Variants in PARP8 observed in about 807,000 individuals in gnomAD.
The protein encoded by PARP8 is protein mono-ADP-ribosyltransferase PARP8.
In PARP8, 51 loss-of-function variants were observed where a neutral mutation model predicts 124.1. That is an observed-to-expected ratio of 0.41 (90% CI 0.33 to 0.52). The LOEUF (loss-of-function observed/expected upper bound fraction) is 0.52. Ranked by LOEUF, PARP8 falls within the 20% of genes least tolerant of loss-of-function variation. PARP8 has a pLI of 0.21. For synonymous variants in PARP8, 391 were observed against 361.5 expected (o/e 1.08, Z -0.93); for missense variants, 860 against 1,018.9 (o/e 0.84, Z 2.12).
chr5:50,702,614 G>A lies in PARP8; in HGVS notation c.146+34489G>A, dbSNP rs1002150025. Among the ~76,000 whole-genome samples the A allele has an allele frequency of 1.1e-4, 16 of 150,682 alleles. 1 individual carries two copies. Among genetic ancestry groups the A allele is most frequent in the African/African-American group, 3.4e-4 (14 of 41,004 alleles). ...CTTAGTCTTAGCACTACTAGAAAAT[G>A]TATAAAATCTGTAATTCCATTGCTG... On this transcript the variant is annotated intron_variant, in intron 2 of 25. Coordinates refer to ENST00000281631, the MANE Select transcript of PARP8 (RefSeq NM_024615.4).
chr5:50,778,734 G>A (rs1484607704), intron 9 of PARP8, 84 bp downstream of exon 9: 3 of 798,252 alleles, frequency 3.8e-6, no homozygotes, highest in African/African-American at 3.6e-5. Flanking sequence ...TCATTTGTCA[G>A]TTCTGAGCAA....
At chr5:50,700,848 T>C (rs1277863440) in intron 2 of PARP8, among the ~76,000 whole-genome samples, 1 of 152,146 alleles carries the variant, frequency 6.6e-6, no homozygotes, top group Non-Finnish European at 1.5e-5. Flanking sequence ...GCAAAAGCCT[T>C]CTCTCAGGAT....
intron 14 of PARP8, among the ~76,000 whole-genome samples, chr5:50,802,858 A>G (rs1743388380): frequency 6.6e-6 from 1 of 152,190 alleles, no homozygotes; most frequent in Admixed American, 6.5e-5. Flanking sequence ...AAATATATAT[A>G]TTTGTGTGCA....
At chr5:50,744,226 ACT>A (rs1381301984) in intron 2 of PARP8, among the ~76,000 whole-genome samples, 2 of 151,872 alleles carry the variant, frequency 1.3e-5, no homozygotes, top group African/African-American at 4.8e-5. Flanking sequence ...CTTTTGAAAG[ACT>A]CTCCTTAGAT....
intron 2 of PARP8, among the ~76,000 whole-genome samples, chr5:50,733,366 A>G (rs1484751838): frequency 6.6e-6 from 1 of 152,156 alleles, no homozygotes. Flanking sequence ...CCTATTGGGC[A>G]GCTTGACTTT....
intron 2 of PARP8, among the ~76,000 whole-genome samples, chr5:50,699,446 T>G (rs528820826): frequency 5.9e-5 from 9 of 152,344 alleles, no homozygotes; most frequent in African/African-American, 1.9e-4. Context: ...TTTCATATGT[T>G]TTTGTTTCCT....
At chr5:50,780,905 G>T (rs73101093) in intron 9 of PARP8, among the ~76,000 whole-genome samples, 1 of 125,654 alleles carries the variant, frequency 8.0e-6, no homozygotes, top group African/African-American at 3.1e-5. Context: ...TGATTTGTTT[G>T]TGTTTTGTTG....
intron 7 of PARP8, among the ~76,000 whole-genome samples, chr5:50,765,134 G>A (rs1328579142): frequency 1.3e-5 from 2 of 151,830 alleles, no homozygotes; most frequent in African/African-American, 4.8e-5. Flanking sequence ...GGTGACAGGT[G>A]CCGGTAAACC....
intron 2 of PARP8, among the ~76,000 whole-genome samples, chr5:50,734,298 C>T (rs1412014239): frequency 2.0e-5 from 3 of 151,970 alleles, no homozygotes; most frequent in African/African-American, 7.3e-5. Context: ...TTATCTTTTC[C>T]TTCTCTTCAT....
At chr5:50,672,938 A>C (rs780097205) in intron 2 of PARP8, among the ~76,000 whole-genome samples, 2 of 152,146 alleles carry the variant, frequency 1.3e-5, no homozygotes, top group Non-Finnish European at 2.9e-5. Flanking sequence ...AGACGTGCCC[A>C]CTCCAGAAAT....
chr5:50,823,340 T>C (rs191437943), intron 17 of PARP8, among the ~76,000 whole-genome samples: 40 of 152,368 alleles, frequency 2.6e-4, no homozygotes, highest in Admixed American at 2.2e-3. Context: ...CTTGATTCTT[T>C]CGATCATCAT....
chr5:50,701,827 A>G (rs1367312517), intron 2 of PARP8, among the ~76,000 whole-genome samples: 1 of 152,154 alleles, frequency 6.6e-6, no homozygotes, highest in Non-Finnish European at 1.5e-5. Context: ...ATGGTTATAT[A>G]CAAGCATTTA....
chr5:50,833,922 CT>C, intron 23 of PARP8, 56 bp from the exon 24 acceptor site: 1 of 1,452,428 alleles, frequency 6.9e-7, no homozygotes, highest in Non-Finnish European at 9.6e-7. Flanking sequence ...TGATGAACAG[CT>C]TTTTTCACAA....
At chr5:50,769,390 GA>G (rs544458971) in intron 7 of PARP8, among the ~76,000 whole-genome samples, 1 of 151,282 alleles carries the variant, frequency 6.6e-6, no homozygotes, top group Non-Finnish European at 1.5e-5. Flanking sequence ...AAAGATGGGA[GA>G]AAAAAAATGT....
chr5:50,677,001 G>A (rs550886712), intron 2 of PARP8, among the ~76,000 whole-genome samples: 3 of 152,322 alleles, frequency 2.0e-5, no homozygotes, highest in South Asian at 4.1e-4. Flanking sequence ...CATGTTAAGA[G>A]TAGGTATATT....
At chr5:50,765,326 A>G (rs1289197168) in intron 7 of PARP8, among the ~76,000 whole-genome samples, 7 of 151,866 alleles carry the variant, frequency 4.6e-5, no homozygotes, top group Admixed American at 4.6e-4. Context: ...TATTTCTTTT[A>G]TAGTTAAATA....
At chr5:50,825,549 C>A (rs1286637867) in intron 18 of PARP8, among the ~76,000 whole-genome samples, 1 of 152,176 alleles carries the variant, frequency 6.6e-6, no homozygotes, top group Non-Finnish European at 1.5e-5. Context: ...GGAGAGAAGT[C>A]ACCTTGCTGT....
chr5:50,708,889 C>G (rs1173977747), intron 2 of PARP8, among the ~76,000 whole-genome samples: 1 of 151,936 alleles, frequency 6.6e-6, no homozygotes, highest in Non-Finnish European at 1.5e-5. Context: ...TCAAGCAATT[C>G]TCCTGCTTCA....
rs138579748 is a variant in PARP8 at position 50,823,645 on chromosome 5, A to T, written c.1860+1245A>T. ...ATATAAACATTTTTAGTCATGAAAA[A>T]GACTTTGGTATAAGGTATACTATAC... On this transcript the variant is annotated intron_variant, in intron 17 of 25. Coordinates refer to ENST00000281631, the MANE Select transcript of PARP8 (RefSeq NM_024615.4). Among the ~76,000 whole-genome samples the T allele has an allele frequency of 6.1e-3, 931 of 152,370 alleles. 6 individuals are homozygous for T. Among genetic ancestry groups the T allele is most frequent in the South Asian group, 0.012 (56 of 4,830 alleles).
Sources: gnomAD v4.1 joint callset for allele counts (sites outside exome capture counted in the v4.1 genomes callset) on GRCh38, gnomAD v4.1.1 for gene constraint, MANE v1.5 for transcripts, NCBI Gene and HGNC (gene_info 2026-07-23, HGNC 2026-07-21) for gene names.